Variants in CCNDBP1 observed in about 807,000 individuals in gnomAD.
CCNDBP1 encodes cyclin D1 binding protein 1.
Under a neutral mutation model 46.2 loss-of-function variants are expected in CCNDBP1, and 45 were observed. That is an observed-to-expected ratio of 0.97 (90% CI 0.77 to 1.25). The LOEUF (loss-of-function observed/expected upper bound fraction) is 1.25. Among genes scored for constraint, CCNDBP1 ranks in the 50% most tolerant of loss-of-function variants. The pLI, the probability that CCNDBP1 is intolerant of heterozygous loss-of-function variation, is 0.00. For missense variants in CCNDBP1, 436 were observed against 442.1 expected, an observed-to-expected ratio of 0.99 and a Z score of 0.12; for synonymous variants, 154 against 163.6, an observed-to-expected ratio of 0.94 and a Z score of 0.45.
intron 9 of CCNDBP1, 59 bp from the exon 10 acceptor site, chr15:43,194,356 T>A: frequency 1.4e-6 from 2 of 1,404,178 alleles, no homozygotes; most frequent in Non-Finnish European, 1.9e-6. Flanking sequence ...TTAAAAATAT[T>A]TGAACTCACC....
At chr15:43,191,269 C>A in intron 7 of CCNDBP1, 126 bp from the exon 8 acceptor site, 1 of 990,478 alleles carries the variant, frequency 1.0e-6, no homozygotes, top group Non-Finnish European at 1.5e-6. Flanking sequence ...AACTCTGTAG[C>A]CCTTAGTGAA....
In CCNDBP1 at chr15:43,189,221, A is replaced by C. The variant is rs1247208860; in HGVS notation, c.272A>C (p.Gln91Pro). Residue 91 changes from glutamine (Q) to proline (P), a missense_variant, in exon 4 of 11, where the codon CAA (glutamine) becomes CCA (proline). By Grantham distance (76) the Gln-to-Pro change is moderately conservative (BLOSUM62 -1). Coordinates refer to ENST00000300213, the MANE Select transcript of CCNDBP1 (RefSeq NM_012142.5). ...TAGGAAACCCAGAAGTTCTGTGAAC[A>C]AGTCCATGCTGCCATCAAGGCATTT... is the stretch of plus-strand genomic sequence containing the variant. ...SPQETQKFCE[Q>P]VHAAIKAFIA... 4 of 1,612,356 alleles carry C rather than the reference A, an allele frequency of 2.5e-6. No individual in the cohort carries two copies. Among genetic ancestry groups the C allele is most frequent in the Non-Finnish European group, 3.4e-6 (4 of 1,179,078 alleles).
intron 9 of CCNDBP1, 36 bp from the exon 10 acceptor site, chr15:43,194,379 G>T: frequency 6.4e-7 from 1 of 1,561,744 alleles, no homozygotes; most frequent in Non-Finnish European, 8.7e-7. Context: ...TTTATGGTAG[G>T]GCTCAGGGTG....
At chr15:43,189,847 A>G (rs2142232584) in intron 4 of CCNDBP1, 2 of 543,444 alleles carry the variant, frequency 3.7e-6, no homozygotes, top group South Asian at 5.3e-5. Context: ...TTTTGTTCCA[A>G]ATCTCTTTTG....
intron 1 of CCNDBP1, 69 bp downstream of exon 1, chr15:43,185,676 G>T: frequency 1.4e-6 from 2 of 1,422,502 alleles, no homozygotes; most frequent in Non-Finnish European, 1.9e-6. Flanking sequence ...CCGGGCTCGG[G>T]GTCGGGGAGA....
chr15:43,192,018 A>C (rs2142237029), intron 8 of CCNDBP1, among the ~76,000 whole-genome samples: 1 of 152,318 alleles, frequency 6.6e-6, no homozygotes, highest in African/African-American at 2.4e-5. Flanking sequence ...ACATCCAAGA[A>C]ATTTGACATT....
At chr15:43,193,326 C>CT (rs2041988126) in intron 9 of CCNDBP1, 1 of 90,804 alleles carries the variant, frequency 1.1e-5, no homozygotes, top group South Asian at 4.5e-4. Flanking sequence ...GAGCAAGACT[C>CT]TGTCTCAAAA....
chr15:43,194,364 A>T, intron 9 of CCNDBP1, 51 bp from the exon 10 acceptor site: 1 of 1,453,114 alleles, frequency 6.9e-7, no homozygotes, highest in Non-Finnish European at 9.2e-7. Context: ...ATTTGAACTC[A>T]CCTTTTTATG....
At position 43,197,086 on chromosome 15, in the gene CCNDBP1, T is replaced by G; in HGVS notation, c.*2245T>G. 3.3e-6 allele frequency: 2 copies of G among 612,046 alleles called. No individual in the cohort carries two copies. The highest frequency in any genetic ancestry group is 5.6e-6 in the Non-Finnish European group (2 of 354,400). 37.9% of individuals were successfully genotyped at this position (612,046 alleles called of 1,614,324 possible). A position where few individuals can be genotyped will look rare whatever the true frequency, so the allele number is the denominator to read the frequency against. On this transcript the variant is annotated 3_prime_UTR_variant, in exon 11 of 11. Transcript: ENST00000300213. ...CTGCTCACGTTGCCTCCCTTCATCT[T>G]CCTGCATAAGTGGAAGCAGCCTGAA...
chr15:43,186,576 TA>T (rs930696605), intron 3 of CCNDBP1, among the ~76,000 whole-genome samples: 10 of 152,010 alleles, frequency 6.6e-5, no homozygotes, highest in Non-Finnish European at 4.4e-5. Context: ...GCTTAAGATT[TA>T]AAAAAAAGCA....
At chr15:43,187,738 G>A (rs918298911) in intron 3 of CCNDBP1, among the ~76,000 whole-genome samples, 9 of 152,090 alleles carry the variant, frequency 5.9e-5, no homozygotes, top group African/African-American at 1.9e-4. Context: ...AAAACTCACT[G>A]CAAGTAAGAT....
At chr15:43,194,074 TTTA>T in intron 9 of CCNDBP1, 1 of 348,828 alleles carries the variant, frequency 2.9e-6, no homozygotes, top group Non-Finnish European at 5.3e-6. Context: ...TTTTTTTTTT[TTTA>T]AAGGAACCTT....
Position 43,194,760 on chromosome 15 carries a change from T to G in CCNDBP1, c.1002T>G (p.Ser334Arg), listed in dbSNP as rs764432511. The change falls in exon 11 of 11, where the codon AGT becomes AGG. Residue 334 changes from serine to arginine, a missense_variant. Physicochemically the swap from Ser to Arg is moderately radical, Grantham distance 110. Transcript: ENST00000300213. ...ATGTGACCCCTCAGCCAGAAGATAG[T>G]TGGATCCCTTTACTTATTAATGCCA... Reference protein sequence around the residue: ...ASHVTPQPEDSWIPLLINAID... With the variant: ...ASHVTPQPEDRWIPLLINAID... 2 of 1,613,610 alleles carry G rather than the reference T, an allele frequency of 1.2e-6. No individual in the cohort carries two copies. The highest frequency in any genetic ancestry group is 2.7e-5 in the African/African-American group (2 of 75,042).
Position 43,194,707 on chromosome 15 carries a change from C to T in CCNDBP1, c.969-20C>T, listed in dbSNP as rs759876821. 9 of 1,531,318 alleles carry T rather than the reference C, an allele frequency of 5.9e-6. No individual in the cohort carries two copies. Among genetic ancestry groups the T allele is most frequent in the Non-Finnish European group, 8.1e-6 (9 of 1,105,600 alleles). 94.9% of individuals were successfully genotyped at this position (1,531,318 alleles called of 1,614,324 possible). On this transcript the variant is annotated intron_variant, in intron 10 of 10. Coordinates refer to ENST00000300213, the MANE Select transcript of CCNDBP1 (RefSeq NM_012142.5). ...ACATCCTAATAAGTTTAACTTACTT[C>T]TTTCCTATTCTATTCACAGAGCAAG... is the stretch of plus-strand genomic sequence containing the variant.
In CCNDBP1 at chr15:43,189,101, A is replaced by AAAAAAAAG. The variant is rs756151109; in HGVS notation, c.250-95_250-94insAAAAGAAA. 1.9e-3 allele frequency: 322 copies of AAAAAAAAG among 165,870 alleles called. 22 individuals are homozygous for AAAAAAAAG. Among genetic ancestry groups the AAAAAAAAG allele is most frequent in the Non-Finnish European group, 2.7e-3 (245 of 89,538 alleles). 10.3% of individuals were successfully genotyped at this position (165,870 alleles called of 1,614,324 possible). On this transcript the variant is annotated intron_variant, in intron 3 of 10. Transcript: ENST00000300213. ...TCAAAAAAAAAAAAAAAAAAAAAAA[A>AAAAAAAAG]AAAGAAAAAGAAAGAAAAGAAAAAG...
In CCNDBP1 at chr15:43,191,618, A is replaced by C; in HGVS notation, c.803A>C (p.Lys268Thr). The part of the protein sequence containing the change: ...IRMLVAENGK[K>T]DQVAQLDDIV... ...ATGTTAGTGGCAGAGAATGGGAAGA[A>C]GGATCAGGTGGCACAGCTGGATGAC... Residue 268 changes from lysine (K) to threonine (T), a missense_variant, in exon 8 of 11, where the codon AAG becomes ACG. Physicochemically the swap from Lys to Thr is moderately conservative, Grantham distance 78. Transcript: ENST00000300213. 2 of 1,613,068 alleles carry C rather than the reference A, an allele frequency of 1.2e-6. No homozygotes were observed. Among genetic ancestry groups the C allele is most frequent in the African/African-American group, 2.7e-5 (2 of 75,062 alleles).
chr15:43,185,677 GTC>G, intron 1 of CCNDBP1, 70 bp downstream of exon 1: 1 of 1,386,824 alleles, frequency 7.2e-7, no homozygotes, highest in African/African-American at 1.5e-5. Context: ...CGGGCTCGGG[GTC>G]GGGGAGAGGC....
chr15:43,190,809 A>G (rs1171518537), intron 6 of CCNDBP1, among the ~76,000 whole-genome samples, 157 bp from the exon 7 acceptor site: 19 of 152,202 alleles, frequency 1.2e-4, no homozygotes, highest in Non-Finnish European at 1.5e-5. Flanking sequence ...CTATCTAGAT[A>G]CCAGGGGATG....
chr15:43,185,449 CG>C lies in CCNDBP1; in HGVS notation c.-48del. 7.1e-7 allele frequency: 1 copy of C among 1,410,182 alleles called. No homozygotes were observed. Among genetic ancestry groups the C allele is most frequent in the Non-Finnish European group, 9.7e-7 (1 of 1,027,940 alleles). 87.4% of individuals were successfully genotyped at this position (1,410,182 alleles called of 1,614,324 possible). A position where few individuals can be genotyped will look rare whatever the true frequency, so the allele number is the denominator to read the frequency against. On this transcript the variant is annotated 5_prime_UTR_variant, in exon 1 of 11. Transcript: ENST00000300213. ...TGGAGCGGCTGTCGCAGTGCGGCTC[CG>C]GCAGTGGCAGCGGAGGCCTGTGTTT...
Sources: gnomAD v4.1 joint callset for allele counts (sites outside exome capture counted in the v4.1 genomes callset) on GRCh38, gnomAD v4.1.1 for gene constraint, MANE v1.5 for transcripts, NCBI Gene and HGNC (gene_info 2026-07-23, HGNC 2026-07-21) for gene names.